IL1RAPL1: variants seen among roughly 807,000 people sequenced by gnomAD.
IL1RAPL1 encodes the protein interleukin-1 receptor accessory protein-like 1.
IL1RAPL1 carries 3 observed loss-of-function variants against 48.4 expected under a neutral mutation model. That is an observed-to-expected ratio of 0.06 (90% CI 0.03 to 0.16). IL1RAPL1 has a LOEUF of 0.16. Among genes scored for constraint, IL1RAPL1 ranks in the 10% least tolerant of loss-of-function variants. The pLI, the probability that IL1RAPL1 is intolerant of heterozygous loss-of-function variation, is 1.00. For synonymous variants in IL1RAPL1, 185 were observed against 187.7 expected (o/e 0.99, Z 0.12); for missense variants, 349 against 530.6 (o/e 0.66, Z 3.36).
rs953902053 is a variant in IL1RAPL1 at position 29,232,302 on chromosome X, A to G, written c.83-50636A>G. Among the ~76,000 whole-genome samples, 4 of 112,121 alleles carry G rather than the reference A, an allele frequency of 3.6e-5. 1 individual carries two copies. In the Admixed American group the frequency reaches 3.8e-4, roughly 11 times the overall value. On this transcript the variant is annotated intron_variant, in intron 2 of 10. Coordinates refer to ENST00000378993, the MANE Select transcript of IL1RAPL1 (RefSeq NM_014271.4). Reference sequence around the variant, plus strand: ...ATGATTTTACCGTAAAATAAAACACACATTATATTTTTAGGGACATAAATA... The same window carrying G: ...ATGATTTTACCGTAAAATAAAACACGCATTATATTTTTAGGGACATAAATA...
chrX:29,955,096 T>C lies in IL1RAPL1; in HGVS notation c.1373-6T>C. On this transcript the variant is annotated splice_region_variant and splice_polypyrimidine_tract_variant and intron_variant, in intron 10 of 10. Transcript: ENST00000378993. ...TCATTTTGATGCACTCTTTTATCTT[T>C]TGTAGCATACATTGAAGATGTGGCA... The C allele has an allele frequency of 8.3e-7, 1 of 1,199,629 alleles. No individual in the cohort carries two copies. The highest frequency in any genetic ancestry group is 1.1e-6 in the Non-Finnish European group (1 of 884,239).
chrX:29,908,389 T>TATATATA, intron 6 of IL1RAPL1, among the ~76,000 whole-genome samples: 1 of 108,556 alleles, frequency 9.2e-6, no homozygotes, highest in South Asian at 4.0e-4. Flanking sequence ...TATATATATA[T>TATATATA]ATATATAAGC....
intron 1 of IL1RAPL1, among the ~76,000 whole-genome samples, chrX:28,696,724 T>C (rs184979700): frequency 9.0e-6 from 1 of 111,351 alleles, no homozygotes; most frequent in African/African-American, 3.2e-5. Context: ...TATAATTTTA[T>C]AAGTAAAAAA....
intron 2 of IL1RAPL1, among the ~76,000 whole-genome samples, chrX:29,122,140 G>A (rs969407038): frequency 8.1e-5 from 9 of 110,520 alleles, no homozygotes; most frequent in South Asian, 3.8e-4. Flanking sequence ...GAACTATAAC[G>A]TTTTAGAAGT....
At chrX:28,995,837 C>A (rs1329494253) in intron 2 of IL1RAPL1, among the ~76,000 whole-genome samples, 3 of 110,227 alleles carry the variant, frequency 2.7e-5, no homozygotes, top group Non-Finnish European at 5.7e-5. Context: ...GCCGAGGCAT[C>A]CCCCAAAAGC....
chrX:29,343,452 G>T (rs983638019), intron 3 of IL1RAPL1, among the ~76,000 whole-genome samples: 11 of 111,212 alleles, frequency 9.9e-5, no homozygotes, highest in African/African-American at 3.6e-4. Context: ...TAATGTAGAT[G>T]AGTCTTTTCC....
chrX:29,333,041 C>T (rs1343308330), intron 3 of IL1RAPL1, among the ~76,000 whole-genome samples: 1 of 112,407 alleles, frequency 8.9e-6, no homozygotes, highest in Non-Finnish European at 1.9e-5. Context: ...TCTCCCATGT[C>T]TACTTCTATC....
At chrX:29,627,848 T>C (rs1924660315) in intron 5 of IL1RAPL1, among the ~76,000 whole-genome samples, 1 of 112,361 alleles carries the variant, frequency 8.9e-6, no homozygotes, top group African/African-American at 3.2e-5. Context: ...AGCATCCCTC[T>C]GTTCTTAAAC....
chrX:29,430,145 A>G (rs1372771084), intron 5 of IL1RAPL1, among the ~76,000 whole-genome samples: 1 of 108,128 alleles, frequency 9.2e-6, no homozygotes, highest in African/African-American at 3.4e-5. Context: ...CTCTCCCCCA[A>G]CGTGTAGTCA....
intron 2 of IL1RAPL1, among the ~76,000 whole-genome samples, chrX:28,961,009 CAAAAAAAAA>C (rs397947609): frequency 1.1e-4 from 2 of 17,492 alleles, no homozygotes; most frequent in African/African-American, 2.1e-4. Flanking sequence ...GACTCCGTCT[CAAAAAAAAA>C]AAAAAAAAAA....
chrX:29,243,066 G>A (rs187454652), intron 2 of IL1RAPL1, among the ~76,000 whole-genome samples: 141 of 111,831 alleles, frequency 1.3e-3, no homozygotes, highest in African/African-American at 4.2e-3. Context: ...CATGTTCCCC[G>A]GGGGGTTTAT....
At chrX:29,383,986 T>A (rs1435234188) in intron 3 of IL1RAPL1, among the ~76,000 whole-genome samples, 1 of 112,394 alleles carries the variant, frequency 8.9e-6, no homozygotes, top group Non-Finnish European at 1.9e-5. Flanking sequence ...TGAACACTGT[T>A]ATTTGTAATA....
chrX:29,307,639 G>A (rs1932645582), intron 3 of IL1RAPL1, among the ~76,000 whole-genome samples: 1 of 96,591 alleles, frequency 1.0e-5, no homozygotes. Context: ...TTTGATAAGT[G>A]GAAAACATTG....
At chrX:29,908,864 T>G (rs1932704071) in intron 6 of IL1RAPL1, among the ~76,000 whole-genome samples, 2 of 112,036 alleles carry the variant, frequency 1.8e-5, no homozygotes, top group Non-Finnish European at 3.8e-5. Flanking sequence ...ATATGAAGCC[T>G]TTATTTGGCA....
intron 1 of IL1RAPL1, among the ~76,000 whole-genome samples, chrX:28,762,577 G>A (rs1406059576): frequency 3.6e-5 from 4 of 109,967 alleles, no homozygotes; most frequent in African/African-American, 9.9e-5. Context: ...ATACATACAC[G>A]GGCACACACA....
chrX:29,577,128 C>T (rs1248386891), intron 5 of IL1RAPL1, among the ~76,000 whole-genome samples: 1 of 111,672 alleles, frequency 9.0e-6, no homozygotes, highest in African/African-American at 3.3e-5. Flanking sequence ...AGATTCAATA[C>T]TATTTTCTCT....
chrX:28,721,340 G>A lies in IL1RAPL1; in HGVS notation c.-24-67980G>A, dbSNP rs757990918. On this transcript the variant is annotated intron_variant, in intron 1 of 10. Coordinates refer to ENST00000378993, the MANE Select transcript of IL1RAPL1 (RefSeq NM_014271.4). ...GGTTTTGATTTGCATTTCTCTGATGGCCAGTGACGATGAGTATTTTTTCAT... is the reference window on the plus strand; with the variant it reads ...GGTTTTGATTTGCATTTCTCTGATGACCAGTGACGATGAGTATTTTTTCAT... Among the ~76,000 whole-genome samples the A allele has an allele frequency of 2.9e-3, 325 of 111,689 alleles. 2 individuals are homozygous for A. The highest frequency in any genetic ancestry group is 3.2e-3 in the Non-Finnish European group (168 of 53,154).
At chrX:29,255,148 T>C (rs370837202) in intron 2 of IL1RAPL1, among the ~76,000 whole-genome samples, 22 of 108,444 alleles carry the variant, frequency 2.0e-4, no homozygotes, top group Non-Finnish European at 3.6e-4. Flanking sequence ...TGTGCGTGTG[T>C]GTGTGTGTGT....
chrX:29,256,192 A>G (rs1250480492), intron 2 of IL1RAPL1, among the ~76,000 whole-genome samples: 1 of 111,392 alleles, frequency 9.0e-6, no homozygotes, highest in Non-Finnish European at 1.9e-5. Context: ...TTTGATTTGC[A>G]TCTGTCTGAT....
Sources: gnomAD v4.1 joint callset for allele counts (sites outside exome capture counted in the v4.1 genomes callset) on GRCh38, gnomAD v4.1.1 for gene constraint, MANE v1.5 for transcripts, NCBI Gene and HGNC (gene_info 2026-07-23, HGNC 2026-07-21) for gene names.